The following SGCD variants were observed in gnomAD, a reference collection of about 807,000 sequenced individuals.
The protein encoded by SGCD is sarcoglycan delta.
SGCD carries 18 observed loss-of-function variants against 36.6 expected under a neutral mutation model. The observed-to-expected ratio is 0.49, with a 90% CI of 0.34 to 0.73. The LOEUF (loss-of-function observed/expected upper bound fraction) is 0.73. Among genes scored for constraint, SGCD ranks in the 30% least tolerant of loss-of-function variants. SGCD has a pLI of 0.01. For missense variants in SGCD, 387 were observed against 346.7 expected (o/e 1.12, Z -0.92); for synonymous variants, 133 against 130.6 (o/e 1.02, Z -0.12).
At chr5:156,303,590 G>A (rs1173203965) in intron 3 of SGCD, among the ~76,000 whole-genome samples, 1 of 151,638 alleles carries the variant, frequency 6.6e-6, no homozygotes, top group Non-Finnish European at 1.5e-5. Context: ...GGTCACACCT[G>A]AAGCCAGCAT....
chr5:156,734,991 T>C (rs996173476), intron 7 of SGCD, among the ~76,000 whole-genome samples: 6 of 152,228 alleles, frequency 3.9e-5, no homozygotes, highest in Admixed American at 6.5e-5. Flanking sequence ...CTACCTTCAG[T>C]CTTTGAGGTT....
chr5:156,519,243 T>C (rs1757307702), intron 4 of SGCD, among the ~76,000 whole-genome samples: 1 of 152,026 alleles, frequency 6.6e-6, no homozygotes, highest in African/African-American at 2.4e-5. Flanking sequence ...AAGAAATTGA[T>C]AAATTCCTGG....
At chr5:155,806,054 T>C in the SGCD span, among the ~76,000 whole-genome samples, 1 of 152,194 alleles carries the variant, frequency 6.6e-6, no homozygotes, top group Non-Finnish European at 1.5e-5. Context: ...ACTGATGTCT[T>C]GAGTGTGTTC....
intron 6 of SGCD, among the ~76,000 whole-genome samples, chr5:156,645,379 A>G (rs952795054): frequency 6.6e-6 from 1 of 152,124 alleles, no homozygotes; most frequent in African/African-American, 2.4e-5. Context: ...AAAGTAAACA[A>G]TGGTGTGAAA....
the SGCD span, among the ~76,000 whole-genome samples, chr5:155,794,403 T>G: frequency 5.3e-5 from 8 of 152,170 alleles, no homozygotes; most frequent in Non-Finnish European, 1.0e-4. Context: ...ACAGAGTTTT[T>G]GAAATGACTA....
chr5:156,302,349 C>T (rs951428656), intron 3 of SGCD, among the ~76,000 whole-genome samples: 5 of 151,946 alleles, frequency 3.3e-5, no homozygotes, highest in African/African-American at 9.7e-5. Flanking sequence ...TCCAACATTT[C>T]TGTTTGATTT....
chr5:156,068,327 G>A (rs1760404627), intron 1 of SGCD, among the ~76,000 whole-genome samples: 3 of 150,900 alleles, frequency 2.0e-5, no homozygotes, highest in African/African-American at 7.3e-5. Context: ...CTGTGTCCAT[G>A]TGTTCTCATT....
chr5:155,854,799 C>T, the SGCD span, among the ~76,000 whole-genome samples: 6 of 152,206 alleles, frequency 3.9e-5, no homozygotes, highest in East Asian at 1.2e-3. Flanking sequence ...ATAACAGTGG[C>T]AGATATTCAC....
intron 1 of SGCD, among the ~76,000 whole-genome samples, chr5:156,005,428 T>TTTG (rs5872447): frequency 0.037 from 5,500 of 150,588 alleles, 104 homozygotes; most frequent in Middle Eastern, 0.086. Context: ...GTCTTCAGTT[T>TTTG]TTGTTGTTGT....
At chr5:155,933,038 G>GAC (rs1757128088) in intron 1 of SGCD, among the ~76,000 whole-genome samples, 1 of 152,206 alleles carries the variant, frequency 6.6e-6, no homozygotes, top group African/African-American at 2.4e-5. Flanking sequence ...AAGAGGGTTA[G>GAC]TATGTTGCTT....
chr5:156,341,384 C>T (rs1768643949), intron 2 of SGCD, among the ~76,000 whole-genome samples: 1 of 151,748 alleles, frequency 6.6e-6, no homozygotes, highest in Non-Finnish European at 1.5e-5. Flanking sequence ...AAGACTTTGT[C>T]TTACAATGAT....
chr5:156,708,722 G>A (rs527823835), intron 7 of SGCD, among the ~76,000 whole-genome samples: 1 of 152,260 alleles, frequency 6.6e-6, no homozygotes, highest in South Asian at 2.1e-4. Flanking sequence ...TTTTGAAGGA[G>A]GGAATGTAAA....
intron 1 of SGCD, among the ~76,000 whole-genome samples, chr5:156,083,542 G>A (rs974918437): frequency 6.0e-5 from 9 of 150,118 alleles, no homozygotes; most frequent in Non-Finnish European, 8.9e-5. Context: ...TGATCTGCCC[G>A]CCTCAACATC....
intron 3 of SGCD, among the ~76,000 whole-genome samples, chr5:156,477,368 C>G (rs1280503683): frequency 2.0e-5 from 3 of 152,154 alleles, no homozygotes; most frequent in Non-Finnish European, 4.4e-5. Context: ...CAGCATTTTT[C>G]TCATCTTTGG....
chr5:155,849,429 C>T, the SGCD span, among the ~76,000 whole-genome samples: 9 of 150,780 alleles, frequency 6.0e-5, no homozygotes, highest in African/African-American at 2.2e-4. Flanking sequence ...CCTCCACACA[C>T]ACACACATGT....
chr5:156,145,670 A>G (rs1762693445), intron 3 of SGCD, among the ~76,000 whole-genome samples: 1 of 152,210 alleles, frequency 6.6e-6, no homozygotes, highest in Non-Finnish European at 1.5e-5. Flanking sequence ...GGTTAAAAGT[A>G]TAGAGTCCAA....
chr5:155,986,969 G>A (rs527284919), intron 1 of SGCD, among the ~76,000 whole-genome samples: 14 of 152,182 alleles, frequency 9.2e-5, no homozygotes, highest in African/African-American at 3.1e-4. Context: ...TTGGCAAAAG[G>A]GCTGGAAATC....
chr5:156,641,271 T>A (rs1191415357), intron 6 of SGCD, among the ~76,000 whole-genome samples: 2 of 152,180 alleles, frequency 1.3e-5, no homozygotes, highest in Non-Finnish European at 2.9e-5. Flanking sequence ...GGGTCTCAGA[T>A]ATTAAAGAGT....
chr5:156,420,009 CT>C (rs923440776), intron 3 of SGCD, among the ~76,000 whole-genome samples: 14 of 152,204 alleles, frequency 9.2e-5, no homozygotes, highest in Admixed American at 7.2e-4. Context: ...TGCCCCTGTC[CT>C]TCACCTCAGC....
Sources: allele counts gnomAD v4.1 joint callset (sites outside exome capture counted in the v4.1 genomes callset), GRCh38; gene constraint gnomAD v4.1.1; transcripts MANE v1.5; gene names NCBI Gene and HGNC (gene_info 2026-07-23, HGNC 2026-07-21).